Variants in FUT8 observed in about 807,000 individuals in gnomAD.
FUT8 encodes the protein alpha-(1,6)-fucosyltransferase.
In FUT8, 29 loss-of-function variants were observed where a neutral mutation model predicts 71.3. The observed-to-expected ratio is 0.41, with a 90% CI of 0.30 to 0.55. FUT8 has a LOEUF of 0.55. FUT8 is among the 20% of genes least tolerant of loss of function. FUT8 has a pLI of 0.34. For missense variants in FUT8, 544 were observed against 702.1 expected, an observed-to-expected ratio of 0.77 and a Z score of 2.55; for synonymous variants, 254 against 239.3, an observed-to-expected ratio of 1.06 and a Z score of -0.57.
At chr14:65,512,225 G>T (rs548339020) in intron 2 of FUT8, among the ~76,000 whole-genome samples, 1 of 152,142 alleles carries the variant, frequency 6.6e-6, no homozygotes, top group African/African-American at 2.4e-5. Flanking sequence ...GTGCGGTGGC[G>T]CGATCTCGGC....
chr14:65,596,800 T>C (rs907036024), intron 3 of FUT8, among the ~76,000 whole-genome samples: 4 of 152,190 alleles, frequency 2.6e-5, no homozygotes, highest in East Asian at 1.9e-4. Context: ...TTCTAGTCTT[T>C]TGAGTTTTCC....
chr14:65,392,633 A>T, the FUT8 span, among the ~76,000 whole-genome samples: 1 of 152,306 alleles, frequency 6.6e-6, no homozygotes, highest in East Asian at 1.9e-4. Flanking sequence ...GTTTTGTCAC[A>T]TGAGAGGCTT....
intron 3 of FUT8, among the ~76,000 whole-genome samples, chr14:65,577,600 G>A (rs1886860576): frequency 6.6e-6 from 1 of 151,874 alleles, no homozygotes. Context: ...TAGTTTTATA[G>A]AACTCAGAAT....
chr14:65,423,348 G>A (rs1426922913), intron 1 of FUT8, among the ~76,000 whole-genome samples: 1 of 149,220 alleles, frequency 6.7e-6, no homozygotes, highest in African/African-American at 2.5e-5. Context: ...TGCCAGCTCC[G>A]CCTCCCAGGT....
At chr14:65,602,053 T>A (rs1888315809) in intron 3 of FUT8, among the ~76,000 whole-genome samples, 1 of 151,842 alleles carries the variant, frequency 6.6e-6, no homozygotes, top group South Asian at 2.1e-4. Context: ...AGTGGTGATT[T>A]GTGAGATTTT....
chr14:65,472,971 G>C lies in FUT8; in HGVS notation c.-228+17253G>C, dbSNP rs935495188. On this transcript the variant is annotated intron_variant, in intron 2 of 10. Transcript: ENST00000673929. The surrounding 1 kb of genome is among the most constrained non-coding windows in gnomAD (Gnocchi z 4.4). ...AAAAGATCACATTATAGATAATTTAGACAACTTATTTATAACTTTTATTTA... is the reference window on the plus strand; with the variant it reads ...AAAAGATCACATTATAGATAATTTACACAACTTATTTATAACTTTTATTTA... Among the ~76,000 whole-genome samples, 16 of 151,902 alleles carry C rather than the reference G, an allele frequency of 1.1e-4. No homozygotes were observed. The highest frequency in any genetic ancestry group is 5.9e-5 in the Non-Finnish European group (4 of 67,962).
the FUT8 span, among the ~76,000 whole-genome samples, chr14:65,389,445 G>C: frequency 1.3e-5 from 2 of 151,586 alleles, no homozygotes; most frequent in Non-Finnish European, 2.9e-5. Flanking sequence ...CCAAGTAGCT[G>C]GGATTACAGG....
chr14:65,379,154 G>T, the FUT8 span, among the ~76,000 whole-genome samples: 6 of 152,112 alleles, frequency 3.9e-5, no homozygotes, highest in African/African-American at 1.2e-4. Flanking sequence ...GCCAACACAA[G>T]AAGCTTTTTA....
chr14:65,514,300 C>T (rs1882557806), intron 2 of FUT8, among the ~76,000 whole-genome samples: 1 of 151,508 alleles, frequency 6.6e-6, no homozygotes, highest in Non-Finnish European at 1.5e-5. Context: ...GTAAGAATGG[C>T]CTCCTGTCCT....
At chr14:65,635,172 T>G (rs1036804649) in intron 6 of FUT8, among the ~76,000 whole-genome samples, 3 of 152,202 alleles carry the variant, frequency 2.0e-5, no homozygotes, top group African/African-American at 7.2e-5. Context: ...GAAGAGCTAC[T>G]GATTTGTGTA....
chr14:65,655,475 CA>C (rs575608113), intron 6 of FUT8, among the ~76,000 whole-genome samples: 1,120 of 49,694 alleles, frequency 0.023, 5 homozygotes, highest in African/African-American at 0.066. Flanking sequence ...GACTCCGTCT[CA>C]AAAAAAAAAA....
chr14:65,405,365 T>C, the FUT8 span, among the ~76,000 whole-genome samples: 1 of 152,166 alleles, frequency 6.6e-6, no homozygotes, highest in Non-Finnish European at 1.5e-5. Context: ...TGAGAAAAGA[T>C]ATAGGAAGGT....
intron 7 of FUT8, among the ~76,000 whole-genome samples, chr14:65,695,560 T>G (rs750624384): frequency 2.6e-5 from 4 of 152,180 alleles, no homozygotes; most frequent in Admixed American, 6.5e-5. Flanking sequence ...TCTAGCTTTC[T>G]TTTGATTTGT....
chr14:65,427,015 T>A (rs1002059277), intron 1 of FUT8, among the ~76,000 whole-genome samples: 1 of 151,980 alleles, frequency 6.6e-6, no homozygotes, highest in Non-Finnish European at 1.5e-5. Flanking sequence ...CCCGCTACCA[T>A]GCCCGGCTAA....
At chr14:65,633,963 C>G (rs1404210391) in intron 6 of FUT8, among the ~76,000 whole-genome samples, 1 of 150,682 alleles carries the variant, frequency 6.6e-6, no homozygotes, top group Non-Finnish European at 1.5e-5. Context: ...CCCTGCCCGG[C>G]TAGCCGCCCC....
intron 2 of FUT8, among the ~76,000 whole-genome samples, chr14:65,476,670 TTG>T (rs1284343113): frequency 6.1e-5 from 6 of 97,900 alleles, no homozygotes; most frequent in Admixed American, 4.5e-4. Context: ...TTTTTTTTTT[TTG>T]GCGACAGGGT....
chr14:65,594,743 C>T (rs1465189249), intron 3 of FUT8, among the ~76,000 whole-genome samples: 1 of 152,094 alleles, frequency 6.6e-6, no homozygotes, highest in African/African-American at 2.4e-5. Context: ...CCCCTGAAGT[C>T]AAGCCACCTC....
chr14:65,630,530 A>C (rs1890130152), intron 6 of FUT8, among the ~76,000 whole-genome samples: 1 of 152,180 alleles, frequency 6.6e-6, no homozygotes, highest in Admixed American at 6.5e-5. Context: ...ATTAATCTGA[A>C]ACTAGTATTT....
chr14:65,737,435 A>G (rs1357972259), intron 10 of FUT8, among the ~76,000 whole-genome samples: 4 of 152,136 alleles, frequency 2.6e-5, no homozygotes, highest in Non-Finnish European at 5.9e-5. Flanking sequence ...TACCAAATAC[A>G]TTAATCCTAT....
Sources: allele counts gnomAD v4.1 joint callset (sites outside exome capture counted in the v4.1 genomes callset), GRCh38; gene constraint gnomAD v4.1.1; non-coding constraint Gnocchi (gnomAD v3.1); transcripts MANE v1.5; gene names NCBI Gene and HGNC (gene_info 2026-07-23, HGNC 2026-07-21).